The following TNR variants were observed in gnomAD, a reference collection of about 807,000 sequenced individuals.
The protein encoded by TNR is tenascin R, also known as tenascin-R.
Under a neutral mutation model 150.4 loss-of-function variants are expected in TNR, and 45 were observed. The ratio of observed to expected loss-of-function variants is 0.30; its 90% CI spans 0.24 to 0.38. The LOEUF (loss-of-function observed/expected upper bound fraction) is 0.38, where lower values mean the gene tolerates loss of function less well. Ranked by LOEUF, TNR falls within the 10% of genes least tolerant of loss-of-function variation. The probability of loss-of-function intolerance (pLI) is 1.00; values close to 1 mark genes in which losing one functional copy is unlikely to be tolerated. For synonymous variants in TNR, 687 were observed against 678.4 expected (o/e 1.01, Z -0.20); for missense variants, 1,544 against 1,759.1 (o/e 0.88, Z 2.19).
At position 175,694,792 on chromosome 1, in the gene TNR, C is replaced by G. The variant is rs142024710; in HGVS notation, c.-165+48434G>C. 9.5e-4 allele frequency among the ~76,000 whole-genome samples: 145 copies of G among 152,190 alleles called. No homozygotes were observed. The Middle Eastern group carries it at 0.01, about 11-fold the overall frequency. On this transcript the variant is annotated intron_variant, in intron 1 of 22. Coordinates refer to ENST00000367674, the MANE Select transcript of TNR (RefSeq NM_003285.3). ...AGGCAGAGAAGGCCATGTGTAGACA[C>G]AGTGAGAAGAAGACATCTACAATCA...
At chr1:175,382,461 G>A (rs1652725396) in intron 8 of TNR, among the ~76,000 whole-genome samples, 1 of 152,190 alleles carries the variant, frequency 6.6e-6, no homozygotes, top group African/African-American at 2.4e-5. Flanking sequence ...CATCCAGGTT[G>A]AAATTGTGAA....
chr1:175,740,618 T>C (rs1667901536), intron 1 of TNR, among the ~76,000 whole-genome samples: 1 of 151,974 alleles, frequency 6.6e-6, no homozygotes, highest in South Asian at 2.1e-4. Flanking sequence ...CATGAGAACT[T>C]AGTGGCTTTG....
chr1:175,587,358 C>T (rs1168254535), intron 1 of TNR, among the ~76,000 whole-genome samples: 1 of 152,170 alleles, frequency 6.6e-6, no homozygotes, highest in Admixed American at 6.5e-5. Context: ...CAGCCACTCG[C>T]ATAGCTGAGT....
intron 2 of TNR, among the ~76,000 whole-genome samples, chr1:175,451,208 T>G (rs1656295191): frequency 7.1e-6 from 1 of 141,018 alleles, no homozygotes; most frequent in African/African-American, 2.6e-5. Flanking sequence ...TGGTTAGTTT[T>G]TTTTTTTTAA....
chr1:175,455,214 G>A (rs1656515293), intron 2 of TNR, among the ~76,000 whole-genome samples: 1 of 152,186 alleles, frequency 6.6e-6, no homozygotes, highest in Admixed American at 6.5e-5. Context: ...CTACTACCCA[G>A]AGACCAGCTA....
intron 19 of TNR, among the ~76,000 whole-genome samples, chr1:175,336,580 G>A (rs867564597): frequency 4.6e-5 from 7 of 152,230 alleles, no homozygotes; most frequent in East Asian, 1.9e-4. Context: ...CGGCTGCTCC[G>A]ACCGGCTTGC....
chr1:175,739,736 C>T (rs1298360681), intron 1 of TNR, among the ~76,000 whole-genome samples: 4 of 152,092 alleles, frequency 2.6e-5, no homozygotes, highest in Admixed American at 6.6e-5. Flanking sequence ...CGGCACCCTC[C>T]TCAGCCATGA....
chr1:175,565,735 C>T (rs1435800494), intron 1 of TNR, among the ~76,000 whole-genome samples: 1 of 152,166 alleles, frequency 6.6e-6, no homozygotes, highest in Non-Finnish European at 1.5e-5. Flanking sequence ...AAAGGATGCT[C>T]ATCAAAGTAC....
At chr1:175,501,133 C>T (rs1041071885) in intron 2 of TNR, among the ~76,000 whole-genome samples, 4 of 152,040 alleles carry the variant, frequency 2.6e-5, no homozygotes, top group East Asian at 3.8e-4. Flanking sequence ...TTAGCTGACC[C>T]GAGTTAATCA....
chr1:175,352,231 A>G (rs1441432112), intron 18 of TNR, among the ~76,000 whole-genome samples: 1 of 152,088 alleles, frequency 6.6e-6, no homozygotes, highest in Non-Finnish European at 1.5e-5. Flanking sequence ...TGCCACAGAG[A>G]CTTGAGGCAC....
intron 1 of TNR, among the ~76,000 whole-genome samples, chr1:175,678,494 A>G (rs771400356): frequency 3.9e-5 from 6 of 151,944 alleles, no homozygotes; most frequent in Non-Finnish European, 8.8e-5. Context: ...CCCTCATTTC[A>G]CAGAAAGGGG....
At chr1:175,417,349 G>A (rs541689456) in intron 2 of TNR, among the ~76,000 whole-genome samples, 9 of 152,176 alleles carry the variant, frequency 5.9e-5, no homozygotes, top group African/African-American at 2.2e-4. Flanking sequence ...GAGAGGGGGC[G>A]GCAAAGGGTA....
chr1:175,633,573 C>T (rs1474640364), intron 1 of TNR, among the ~76,000 whole-genome samples: 8 of 152,092 alleles, frequency 5.3e-5, no homozygotes, highest in African/African-American at 1.9e-4. Flanking sequence ...AAATATTCTG[C>T]TACCTAAATT....
chr1:175,623,880 C>T (rs1434980109), intron 1 of TNR, among the ~76,000 whole-genome samples: 1 of 152,266 alleles, frequency 6.6e-6, no homozygotes, highest in Non-Finnish European at 1.5e-5. Context: ...CAGGTGAAGC[C>T]AAGGCTTGGG....
chr1:175,630,175 C>A (rs147820356), intron 1 of TNR, among the ~76,000 whole-genome samples: 1 of 152,124 alleles, frequency 6.6e-6, no homozygotes, highest in Non-Finnish European at 1.5e-5. Flanking sequence ...ATATCAAGAG[C>A]GATAGGTTAC....
intron 2 of TNR, among the ~76,000 whole-genome samples, chr1:175,424,092 T>C (rs1654868493): frequency 6.6e-6 from 1 of 152,250 alleles, no homozygotes; most frequent in African/African-American, 2.4e-5. Flanking sequence ...ATTACTGATT[T>C]TGGTGGGGTT....
At chr1:175,426,858 T>C (rs12126844) in intron 2 of TNR, among the ~76,000 whole-genome samples, 2 of 57,580 alleles carry the variant, frequency 3.5e-5, no homozygotes, top group East Asian at 1.7e-3. Flanking sequence ...AATATAAATA[T>C]ATATAAAATA....
rs771813974 is a variant in TNR at position 175,455,125 on chromosome 1, AG to A, written c.-63-48349del. Reference sequence around the variant, plus strand: ...ATCCCAGCCTGTGAGTTATGCCAGCAGTGGGCCAGACATGTGCATGAAGAAG... The same window carrying A: ...ATCCCAGCCTGTGAGTTATGCCAGCATGGGCCAGACATGTGCATGAAGAAG... On this transcript the variant is annotated intron_variant, in intron 2 of 22. Coordinates refer to ENST00000367674, the MANE Select transcript of TNR (RefSeq NM_003285.3). Among the ~76,000 whole-genome samples the A allele has an allele frequency of 3.9e-5, 6 of 152,200 alleles. 1 individual carries two copies. Among genetic ancestry groups the A allele is most frequent in the Non-Finnish European group, 8.8e-5 (6 of 68,022 alleles).
intron 2 of TNR, among the ~76,000 whole-genome samples, chr1:175,418,951 C>T (rs1050627121): frequency 2.6e-5 from 4 of 152,102 alleles, no homozygotes; most frequent in Non-Finnish European, 5.9e-5. Flanking sequence ...ATTAAGAGGC[C>T]CTTTGATGTC....
Sources: gnomAD v4.1 joint callset for allele counts (sites outside exome capture counted in the v4.1 genomes callset) on GRCh38, gnomAD v4.1.1 for gene constraint, MANE v1.5 for transcripts, NCBI Gene and HGNC (gene_info 2026-07-23, HGNC 2026-07-21) for gene names.